TSPAN15: variants seen among roughly 807,000 people sequenced by gnomAD.
TSPAN15 encodes tetraspanin-15.
Under a neutral mutation model 34.5 loss-of-function variants are expected in TSPAN15, and 20 were observed. The ratio of observed to expected loss-of-function variants is 0.58; its 90% confidence interval spans 0.41 to 0.84. The LOEUF (loss-of-function observed/expected upper bound fraction) is 0.84. TSPAN15 is among the 40% of genes least tolerant of loss of function. The pLI, the probability that TSPAN15 is intolerant of heterozygous loss-of-function variation, is 0.00. For missense variants in TSPAN15, 313 were observed against 386.1 expected (o/e 0.81, Z 1.59); for synonymous variants, 155 against 153.9 (o/e 1.01, Z -0.05).
rs1253508849 is a variant in TSPAN15 at position 69,507,057 on chromosome 10, G to A, written c.*79G>A. On this transcript the variant is annotated 3_prime_UTR_variant, in exon 8 of 8. Transcript: ENST00000373290. ...AGTCAACATCGTGGGGCTGGACAGG[G>A]CTGCGGCCCCTCTGCCCACACTCAG... 3.9e-6 allele frequency: 6 copies of A among 1,554,990 alleles called. No homozygotes were observed. The highest frequency in any genetic ancestry group is 5.2e-6 in the Non-Finnish European group (6 of 1,151,682).
At chr10:69,467,617 TAAACA>T (rs1321999274) in intron 1 of TSPAN15, among the ~76,000 whole-genome samples, 2 of 147,648 alleles carry the variant, frequency 1.4e-5, no homozygotes, top group Admixed American at 6.9e-5. Context: ...TTGTCTCCTC[TAAACA>T]AAACAAAACA....
At chr10:69,538,678 T>C in the TSPAN15 span, among the ~76,000 whole-genome samples, 1 of 152,208 alleles carries the variant, frequency 6.6e-6, no homozygotes, top group Non-Finnish European at 1.5e-5. Context: ...GACTAGAGGC[T>C]CCATAGGCAG....
At chr10:69,548,102 T>C in the TSPAN15 span, among the ~76,000 whole-genome samples, 1 of 151,786 alleles carries the variant, frequency 6.6e-6, no homozygotes, top group Non-Finnish European at 1.5e-5. Context: ...CCACATGGAA[T>C]TGGGGAGGAG....
intron 1 of TSPAN15, among the ~76,000 whole-genome samples, chr10:69,470,063 C>CT (rs1356874786): frequency 2.0e-5 from 3 of 152,200 alleles, no homozygotes; most frequent in Admixed American, 1.3e-4. Context: ...ACTTCTGGCT[C>CT]TATGTCTCTT....
intron 4 of TSPAN15, 132 bp from the exon 5 acceptor site, chr10:69,498,148 T>C: frequency 1.4e-6 from 1 of 739,272 alleles, no homozygotes; most frequent in South Asian, 1.7e-5. Context: ...GACTTGAAAG[T>C]GTACAGCCTC....
At chr10:69,504,343 G>T in intron 5 of TSPAN15, 95 bp from the exon 6 acceptor site, 1 of 1,273,454 alleles carries the variant, frequency 7.9e-7, no homozygotes, top group Non-Finnish European at 1.1e-6. Flanking sequence ...GTGCAACTCT[G>T]TGCTTCGGTT....
chr10:69,451,790 G>T (rs1840975025), intron 1 of TSPAN15, 100 bp downstream of exon 1: 9 of 967,442 alleles, frequency 9.3e-6, no homozygotes, highest in Non-Finnish European at 9.7e-6. Context: ...CCGCTCCAGG[G>T]AGTGCGCGGG....
At chr10:69,539,525 A>AG in the TSPAN15 span, among the ~76,000 whole-genome samples, 7 of 114,960 alleles carry the variant, frequency 6.1e-5, no homozygotes, top group South Asian at 2.9e-4. Flanking sequence ...AAGAAGAAGA[A>AG]GAAGAAGAAG....
At chr10:69,476,861 A>G (rs1375221247) in intron 1 of TSPAN15, among the ~76,000 whole-genome samples, 1 of 152,060 alleles carries the variant, frequency 6.6e-6, no homozygotes, top group African/African-American at 2.4e-5. Context: ...ATGGAGGTTC[A>G]GTGTCCCCAG....
chr10:69,538,981 T>C, the TSPAN15 span, among the ~76,000 whole-genome samples: 2 of 151,944 alleles, frequency 1.3e-5, no homozygotes, highest in Non-Finnish European at 2.9e-5. Flanking sequence ...GAAGGGGTAG[T>C]CAACAGCCTT....
At chr10:69,505,274 A>T (rs970536731) in intron 6 of TSPAN15, among the ~76,000 whole-genome samples, 9 of 152,234 alleles carry the variant, frequency 5.9e-5, no homozygotes, top group Non-Finnish European at 1.0e-4. Flanking sequence ...GCTGTTTAAC[A>T]TAGTTCATCA....
At chr10:69,539,271 G>A in the TSPAN15 span, among the ~76,000 whole-genome samples, 1 of 151,532 alleles carries the variant, frequency 6.6e-6, no homozygotes, top group Non-Finnish European at 1.5e-5. Flanking sequence ...GGGGAGTGAG[G>A]GATAAAAGAC....
the TSPAN15 span, among the ~76,000 whole-genome samples, chr10:69,536,985 G>GAA: frequency 9.1e-6 from 1 of 109,346 alleles, no homozygotes. Flanking sequence ...ACTACATCTT[G>GAA]AAAAAAAAAA....
At chr10:69,543,589 A>G in the TSPAN15 span, among the ~76,000 whole-genome samples, 1 of 152,114 alleles carries the variant, frequency 6.6e-6, no homozygotes, top group Non-Finnish European at 1.5e-5. Flanking sequence ...GAAGGGCAGC[A>G]TTGTCAGAGA....
In TSPAN15 at chr10:69,507,144, G is replaced by T; in HGVS notation, c.*166G>T. 2 of 1,441,364 alleles carry T rather than the reference G, an allele frequency of 1.4e-6. No individual in the cohort carries two copies. The highest frequency in any genetic ancestry group is 1.8e-6 in the Non-Finnish European group (2 of 1,102,936). The allele number at this position is 1,441,364 out of a possible 1,614,324, so 89.3% of individuals were successfully genotyped here. A position where few individuals can be genotyped will look rare whatever the true frequency, so the allele number is the denominator to read the frequency against. On this transcript the variant is annotated 3_prime_UTR_variant, in exon 8 of 8. Transcript: ENST00000373290. ...AGGTCCCACGGCCTCTGCCTCCCCA[G>T]GGAGCAGAGCCTGGGCCTCCCCTAA...
At chr10:69,466,974 T>A (rs1175618276) in intron 1 of TSPAN15, among the ~76,000 whole-genome samples, 6 of 152,234 alleles carry the variant, frequency 3.9e-5, no homozygotes, top group Non-Finnish European at 8.8e-5. Flanking sequence ...CTGGGCTCTT[T>A]GCTGGGTCGC....
chr10:69,469,783 A>G (rs35060419), intron 1 of TSPAN15, among the ~76,000 whole-genome samples: 25,328 of 152,126 alleles, frequency 0.17, 2,627 homozygotes, highest in Non-Finnish European at 0.23. Flanking sequence ...GGCTCAAGCA[A>G]TCTGTCCACT....
chr10:69,512,784 G>A, the TSPAN15 span, among the ~76,000 whole-genome samples: 9 of 152,124 alleles, frequency 5.9e-5, no homozygotes, highest in African/African-American at 1.2e-4. Flanking sequence ...TTTTTATTGC[G>A]GAGCAGCATA....
intron 1 of TSPAN15, among the ~76,000 whole-genome samples, chr10:69,464,665 T>TG (rs1257514359): frequency 2.0e-5 from 3 of 152,160 alleles, no homozygotes; most frequent in Non-Finnish European, 2.9e-5. Context: ...ACCCATTGTG[T>TG]GGGGCAGTTA....
Sources: gnomAD v4.1 joint callset for allele counts (sites outside exome capture counted in the v4.1 genomes callset) on GRCh38, gnomAD v4.1.1 for gene constraint, MANE v1.5 for transcripts, NCBI Gene and HGNC (gene_info 2026-07-23, HGNC 2026-07-21) for gene names.